The following TMPRSS15 variants were observed in gnomAD, a reference collection of about 807,000 sequenced individuals.
TMPRSS15 encodes enteropeptidase.
A neutral mutation model predicts 125.3 loss-of-function variants in TMPRSS15; 128 were observed. That is an observed-to-expected ratio of 1.02 (90% CI 0.89 to 1.18). The LOEUF is 1.18. Ranked by LOEUF, TMPRSS15 falls within the 50% of genes most tolerant of loss-of-function variation. TMPRSS15 has a pLI of 0.00. For missense variants in TMPRSS15, 1,283 were observed against 1,212.7 expected (o/e 1.06, Z -0.86); for synonymous variants, 446 against 423.2 (o/e 1.05, Z -0.66).
intron 18 of TMPRSS15, among the ~76,000 whole-genome samples, chr21:18,312,448 G>A (rs1332078145): frequency 6.7e-6 from 1 of 150,254 alleles, no homozygotes; most frequent in African/African-American, 2.4e-5. Flanking sequence ...TAGCGGGAGA[G>A]GTTATGCAAA....
chr21:18,347,387 C>G (rs1325441567), intron 10 of TMPRSS15, among the ~76,000 whole-genome samples: 6 of 152,056 alleles, frequency 3.9e-5, no homozygotes, highest in Non-Finnish European at 5.9e-5. Flanking sequence ...CAGGCTCACG[C>G]CACCATGGCT....
At chr21:18,460,581 G>T (rs1978533205) in intron 1 of TMPRSS15, 1 of 152,192 alleles carries the variant, frequency 6.6e-6, no homozygotes, top group African/African-American at 2.4e-5. Flanking sequence ...CCCGATTGTG[G>T]AGGCTAGCAA....
chr21:18,340,572 A>G (rs1332608453), intron 13 of TMPRSS15, among the ~76,000 whole-genome samples: 3 of 152,200 alleles, frequency 2.0e-5, no homozygotes, highest in African/African-American at 7.2e-5. Flanking sequence ...GTCCCTCTAG[A>G]GAACGCTGAC....
At chr21:18,381,489 A>G (rs2075892459) in intron 4 of TMPRSS15, among the ~76,000 whole-genome samples, 1 of 152,160 alleles carries the variant, frequency 6.6e-6, no homozygotes, top group Non-Finnish European at 1.5e-5. Flanking sequence ...AAACTGAAAT[A>G]CCTACAATTA....
At chr21:18,329,412 G>T in intron 14 of TMPRSS15, 118 bp from the exon 15 acceptor site, 1 of 1,025,810 alleles carries the variant, frequency 9.7e-7, no homozygotes, top group South Asian at 1.7e-5. Context: ...TCCACTTCAT[G>T]AAAATCAGTG....
chr21:18,353,560 C>A (rs2075593828), intron 9 of TMPRSS15, among the ~76,000 whole-genome samples, 163 bp downstream of exon 9: 1 of 151,566 alleles, frequency 6.6e-6, no homozygotes, highest in South Asian at 2.1e-4. Flanking sequence ...AACCATTGTC[C>A]AATTTCTCAT....
At chr21:18,318,066 G>A (rs1471461787) in intron 16 of TMPRSS15, among the ~76,000 whole-genome samples, 1 of 152,186 alleles carries the variant, frequency 6.6e-6, no homozygotes, top group Non-Finnish European at 1.5e-5. Context: ...CCTGAAGTTT[G>A]TGGGCAGATA....
In TMPRSS15 at chr21:18,315,227, T is replaced by C. The variant is rs139156916; in HGVS notation, c.1951A>G (p.Lys651Glu). Residue 651 changes from lysine to glutamate, a missense_variant, in exon 17 of 25, where the codon AAA (lysine) becomes GAA (glutamate). Physicochemically the swap from Lys to Glu is moderately conservative, Grantham distance 56 (BLOSUM62 1). Transcript: ENST00000284885. ...EPCKADHFQC[K>E]NGECVPLVNL... is the part of the protein sequence containing the mutation. ...ACCAGTGGAACACACTCTCCATTTT[T>C]ACATTGAAAATGGTCTGCCTTGCAT... The C allele has an allele frequency of 6.2e-7, 1 of 1,613,702 alleles. No homozygotes were observed. Among genetic ancestry groups the C allele is most frequent in the South Asian group, 1.1e-5 (1 of 91,074 alleles).
rs139989145 is a variant in TMPRSS15 at position 18,361,019 on chromosome 21, C to A, written c.774-1156G>T. ...TATGACTCAAGGACAGGGATTAATT[C>A]ATTCATTCCTGTATTATCTAATACT... On this transcript the variant is annotated intron_variant, in intron 7 of 24. Coordinates refer to ENST00000284885, the MANE Select transcript of TMPRSS15 (RefSeq NM_002772.3). Among the ~76,000 whole-genome samples, 539 of 152,192 alleles carry A rather than the reference C, an allele frequency of 3.5e-3. 4 individuals carry two copies. Among genetic ancestry groups the A allele is most frequent in the African/African-American group, 0.012 (506 of 41,514 alleles).
intron 1 of TMPRSS15, among the ~76,000 whole-genome samples, chr21:18,432,032 T>C (rs1321168671): frequency 6.6e-6 from 1 of 152,170 alleles, no homozygotes; most frequent in Non-Finnish European, 1.5e-5. Flanking sequence ...ACATTTATCT[T>C]CATCTTCAGA....
At chr21:18,377,182 C>T (rs1439270360) in intron 5 of TMPRSS15, among the ~76,000 whole-genome samples, 1 of 152,056 alleles carries the variant, frequency 6.6e-6, no homozygotes, top group Non-Finnish European at 1.5e-5. Flanking sequence ...ACCTACTTAC[C>T]TTATAATAAT....
chr21:18,398,002 T>G, intron 2 of TMPRSS15, 56 bp from the exon 3 acceptor site: 1 of 1,318,076 alleles, frequency 7.6e-7, no homozygotes, highest in South Asian at 1.3e-5. Context: ...TTAACTTTTG[T>G]TGAAAAATTT....
At chr21:18,406,229 G>A (rs969519269), upstream of TMPRSS15, among the ~76,000 whole-genome samples, 14 of 152,208 alleles carry the variant, frequency 9.2e-5, no homozygotes, top group African/African-American at 3.1e-4. Context: ...GTGGGAACGC[G>A]TGTCAGAGCT....
At chr21:18,344,683 G>T (rs1032881471) in intron 10 of TMPRSS15, among the ~76,000 whole-genome samples, 2 of 152,196 alleles carry the variant, frequency 1.3e-5, no homozygotes, top group African/African-American at 4.8e-5. Flanking sequence ...AGTGCTTGCT[G>T]GTCTGAAATT....
At position 18,282,427 on chromosome 21, in the gene TMPRSS15, A is replaced by G. The variant is rs187748286; in HGVS notation, c.2487-1206T>C. ...CAGAGCTATTGATTCAATTCTTAAC[A>G]GTCGCAAATGCCTCGTTTAATGTGG... On this transcript the variant is annotated intron_variant, in intron 21 of 24. Coordinates refer to ENST00000284885, the MANE Select transcript of TMPRSS15 (RefSeq NM_002772.3). Among the ~76,000 whole-genome samples, 8 of 152,342 alleles carry G rather than the reference A, an allele frequency of 5.3e-5. No individual in the cohort carries two copies. The East Asian group carries it at 1.5e-3, about 29-fold the overall frequency.
intron 19 of TMPRSS15, among the ~76,000 whole-genome samples, chr21:18,296,618 T>G (rs1004688148): frequency 6.6e-6 from 1 of 152,218 alleles, no homozygotes; most frequent in African/African-American, 2.4e-5. Flanking sequence ...ATAAATGATT[T>G]TAAATAATTT....
At chr21:18,459,762 TCA>T (rs1402556515) in intron 1 of TMPRSS15, among the ~76,000 whole-genome samples, 4 of 152,216 alleles carry the variant, frequency 2.6e-5, no homozygotes, top group Non-Finnish European at 5.9e-5. Flanking sequence ...TTTAAATATA[TCA>T]ATAAATCTAA....
intron 1 of TMPRSS15, among the ~76,000 whole-genome samples, chr21:18,479,851 C>G (rs1978948124): frequency 6.6e-6 from 1 of 151,982 alleles, no homozygotes. Context: ...GGATCTAGAA[C>G]TAGAAATACC....
Position 18,365,188 on chromosome 21 carries a change from T to C in TMPRSS15, c.725A>G (p.His242Arg), listed in dbSNP as rs2075715132. Residue 242 changes from histidine to arginine, a missense_variant, in exon 7 of 25, where the codon CAT becomes CGT. By Grantham distance (29) the His-to-Arg change is conservative. Coordinates refer to ENST00000284885, the MANE Select transcript of TMPRSS15 (RefSeq NM_002772.3). The part of the protein sequence containing the change: ...TGSSGSFQAT[H>R]YPKPSETSVV... ...ACTTGTTTCAGAAGGTTTTGGATAA[T>C]GAGTAGCCTGGAAAGACCCAGATGA... is the stretch of plus-strand genomic sequence containing the variant. 8 of 1,614,126 alleles carry C rather than the reference T, an allele frequency of 5.0e-6. No individual in the cohort carries two copies. Among genetic ancestry groups the C allele is most frequent in the Non-Finnish European group, 5.9e-6 (7 of 1,180,012 alleles).
Sources: allele counts gnomAD v4.1 joint callset (sites outside exome capture counted in the v4.1 genomes callset), GRCh38; gene constraint gnomAD v4.1.1; transcripts MANE v1.5; gene names NCBI Gene and HGNC (gene_info 2026-07-23, HGNC 2026-07-21).